The following ARHGAP29 variants were observed in gnomAD, a reference collection of about 807,000 sequenced individuals.
The protein encoded by ARHGAP29 is rho GTPase-activating protein 29.
ARHGAP29 carries 43 observed loss-of-function variants against 122.6 expected under a neutral mutation model. The observed-to-expected ratio is 0.35, with a 90% confidence interval of 0.27 to 0.45. ARHGAP29 has a LOEUF of 0.45. Ranked by LOEUF, ARHGAP29 falls within the 20% of genes least tolerant of loss-of-function variation. The pLI, the probability that ARHGAP29 is intolerant of heterozygous loss-of-function variation, is 1.00. For synonymous variants in ARHGAP29, 506 were observed against 497.1 expected (o/e 1.02, Z -0.24); for missense variants, 1,303 against 1,477.2 (o/e 0.88, Z 1.93).
At chr1:94,213,846 A>G (rs1651801234) in intron 3 of ARHGAP29, among the ~76,000 whole-genome samples, 1 of 152,214 alleles carries the variant, frequency 6.6e-6, no homozygotes, top group African/African-American at 2.4e-5. Context: ...TACATAGAAG[A>G]TGTTCAAAAA....
rs1347161669 is a variant in ARHGAP29 at position 94,245,924 on chromosome 1, TTTAC to T, written c.-32-14285_-32-14282del. On this transcript the variant is annotated intron_variant and NMD_transcript_variant, in intron 1 of 25. Coordinates refer to the ARHGAP29 transcript ENST00000552844. ...AGCCCATGTTCCTAGGTCAAGAGCC[TTTAC>T]ATGTGAGGAAGTGAAGGTGCTTACA... is the stretch of plus-strand genomic sequence containing the variant. Among the ~76,000 whole-genome samples the T allele has an allele frequency of 1.4e-3, 215 of 152,258 alleles. 2 individuals carry two copies. The highest frequency in any genetic ancestry group is 5.1e-3 in the African/African-American group (212 of 41,560).
chr1:94,310,542 T>A, the ARHGAP29 span, among the ~76,000 whole-genome samples: 1 of 152,206 alleles, frequency 6.6e-6, no homozygotes, highest in Non-Finnish European at 1.5e-5. Flanking sequence ...AGGACCATCA[T>A]AGTAATTTTC....
Position 94,177,987 on chromosome 1 carries a change from A to G in ARHGAP29, c.2661T>C (p.Asp887=), listed in dbSNP as rs1333572623. The change falls in exon 21 of 23, where the codon GAT becomes GAC. Residue 887 remains aspartate (D), a synonymous_variant. Coordinates refer to ENST00000260526, the MANE Select transcript of ARHGAP29 (RefSeq NM_004815.4). ...TAACATCTTGTGGTTGTAGGGACCC[A>G]TCGAAGATCTTCTGTGAGTAAGTAA... The part of the protein sequence containing the change: ...FLITYSQKIF[D]GSLQPQDVMC... 11 of 1,614,192 alleles carry G rather than the reference A, an allele frequency of 6.8e-6. No homozygotes were observed. The highest frequency in any genetic ancestry group is 9.3e-6 in the Non-Finnish European group (11 of 1,180,022).
At chr1:94,275,408 T>A (rs989924643), upstream of ARHGAP29, among the ~76,000 whole-genome samples, 1 of 152,212 alleles carries the variant, frequency 6.6e-6, no homozygotes, top group Non-Finnish European at 1.5e-5. Flanking sequence ...GGCTGATGTG[T>A]GGGAGTCAAC....
the ARHGAP29 span, among the ~76,000 whole-genome samples, chr1:94,304,910 C>A: frequency 6.6e-6 from 1 of 152,174 alleles, no homozygotes; most frequent in Non-Finnish European, 1.5e-5. Context: ...GTTAAAAAAG[C>A]AAATCTGCTG....
In ARHGAP29 at chr1:94,231,494, A is replaced by G. The variant is rs771565448; in HGVS notation, c.118T>C (p.Phe40Leu). The change falls in exon 2 of 23, where the codon TTT (phenylalanine) becomes CTT (leucine). Residue 40 changes from phenylalanine to leucine, a missense_variant. By Grantham distance (22) the Phe-to-Leu change is conservative. This residue lies in a region of ARHGAP29 where 592 missense variants were observed against 648.2 expected (regional missense o/e 0.91). Coordinates refer to ENST00000260526, the MANE Select transcript of ARHGAP29 (RefSeq NM_004815.4). ...AACTCCTTGATGTAATCCGGATCAAAAATAGAGTTGGAACTTAAGGACTTG... is the reference window on the plus strand; with the variant it reads ...AACTCCTTGATGTAATCCGGATCAAGAATAGAGTTGGAACTTAAGGACTTG... ...GLKSLSSNSI[F>L]DPDYIKELVN... is the part of the protein sequence containing the mutation. 1.2e-6 allele frequency: 2 copies of G among 1,613,814 alleles called. No individual in the cohort carries two copies. Among genetic ancestry groups the G allele is most frequent in the South Asian group, 2.2e-5 (2 of 91,060 alleles).
At chr1:94,278,845 T>C (rs1341945010), upstream of ARHGAP29, among the ~76,000 whole-genome samples, 4 of 152,228 alleles carry the variant, frequency 2.6e-5, no homozygotes, top group Non-Finnish European at 5.9e-5. Context: ...CAACTGTCAA[T>C]AAATACAAGC....
At chr1:94,189,393 C>A in intron 13 of ARHGAP29, 41 bp from the exon 14 acceptor site, 3 of 1,557,586 alleles carry the variant, frequency 1.9e-6, no homozygotes, top group Non-Finnish European at 1.7e-6. Context: ...CTCAACACTC[C>A]AAAGAATAAT....
At chr1:94,283,875 A>G in the ARHGAP29 span, among the ~76,000 whole-genome samples, 1 of 152,222 alleles carries the variant, frequency 6.6e-6, no homozygotes, top group Non-Finnish European at 1.5e-5. Context: ...AAACATCTTT[A>G]TCGGTACCCA....
In ARHGAP29 at chr1:94,177,835, A is replaced by G. The variant is rs1284402890; in HGVS notation, c.2796+17T>C. 1 of 1,590,982 alleles carries G rather than the reference A, an allele frequency of 6.3e-7. No homozygotes were observed. The highest frequency in any genetic ancestry group is 1.7e-4 in the Middle Eastern group (1 of 5,898). ...TATTACAAAGTTCTAATATAATTCT[A>G]TAAAGGTCAAACTCACTTCCTTTGA... is the stretch of plus-strand genomic sequence containing the variant. On this transcript the variant is annotated intron_variant, in intron 21 of 22. Transcript: ENST00000260526.
intron 21 of ARHGAP29, 46 bp from the exon 22 acceptor site, chr1:94,177,766 C>A: frequency 6.3e-7 from 1 of 1,575,162 alleles, no homozygotes; most frequent in Non-Finnish European, 8.7e-7. Flanking sequence ...TAAAACATAA[C>A]CTCAAAATAA....
At chr1:94,301,227 C>T in the ARHGAP29 span, among the ~76,000 whole-genome samples, 1 of 152,154 alleles carries the variant, frequency 6.6e-6, no homozygotes, top group South Asian at 2.1e-4. Context: ...TTTTCCTTTT[C>T]ATTCCCATGA....
At chr1:94,247,262 G>A (rs1653842399) in intron 1 of ARHGAP29, among the ~76,000 whole-genome samples, 1 of 152,110 alleles carries the variant, frequency 6.6e-6, no homozygotes, top group South Asian at 2.1e-4. Context: ...ATGAGGGCTG[G>A]TGGCTAGCAA....
At chr1:94,234,928 C>A (rs1194543848) in intron 1 of ARHGAP29, among the ~76,000 whole-genome samples, 2 of 152,110 alleles carry the variant, frequency 1.3e-5, no homozygotes, top group Non-Finnish European at 2.9e-5. Context: ...CCTATTTTAG[C>A]AGAAATAATT....
chr1:94,177,586 T>C (rs766413697), intron 22 of ARHGAP29, 26 bp downstream of exon 22: 2 of 1,548,896 alleles, frequency 1.3e-6, no homozygotes, highest in Admixed American at 1.9e-5. Context: ...CCAGCAAACA[T>C]ATTTTTTTTT....
intron 2 of ARHGAP29, among the ~76,000 whole-genome samples, chr1:94,220,848 T>C (rs778117780): frequency 6.8e-6 from 1 of 147,906 alleles, no homozygotes; most frequent in Non-Finnish European, 1.5e-5. Context: ...CTTTAATGAG[T>C]TTTTGTGCTT....
At chr1:94,204,249 C>T (rs1651056678) in intron 7 of ARHGAP29, among the ~76,000 whole-genome samples, 1 of 151,972 alleles carries the variant, frequency 6.6e-6, no homozygotes, top group Non-Finnish European at 1.5e-5. Context: ...ATCTTCCAGC[C>T]TCAGCCTCAG....
chr1:94,172,612 G>T lies in ARHGAP29; in HGVS notation c.*1257C>A, dbSNP rs999517716. 1 of 145,076 alleles carries T rather than the reference G, an allele frequency of 6.9e-6. No individual in the cohort carries two copies. Among genetic ancestry groups the T allele is most frequent in the East Asian group, 2.0e-4 (1 of 5,000 alleles). The allele number at this position is 145,076 out of a possible 1,614,324, so 9.0% of individuals were successfully genotyped here. On this transcript the variant is annotated 3_prime_UTR_variant, in exon 23 of 23. Transcript: ENST00000260526. ...GGAACATGAAATAATTTAACAAGTTGATATATATATATATATATATTATCA... is the reference window on the plus strand; with the variant it reads ...GGAACATGAAATAATTTAACAAGTTTATATATATATATATATATATTATCA...
At chr1:94,312,680 C>T in the ARHGAP29 span, among the ~76,000 whole-genome samples, 1 of 152,280 alleles carries the variant, frequency 6.6e-6, no homozygotes, top group South Asian at 2.1e-4. Flanking sequence ...GATCCATCCA[C>T]CTCAGCCTCC....
Sources: allele counts gnomAD v4.1 joint callset (sites outside exome capture counted in the v4.1 genomes callset), GRCh38; gene constraint gnomAD v4.1.1; regional missense constraint gnomAD v4.1.1; transcripts MANE v1.5; gene names NCBI Gene and HGNC (gene_info 2026-07-23, HGNC 2026-07-21).